Variants in TRAPPC9 observed in about 807,000 individuals in gnomAD.
TRAPPC9 encodes trafficking protein particle complex subunit 9, also known as IKK2 binding protein.
In TRAPPC9, 83 loss-of-function variants were observed where a neutral mutation model predicts 124.0. The ratio of observed to expected loss-of-function variants is 0.67; its 90% CI spans 0.56 to 0.80. The LOEUF is 0.80. Ranked by LOEUF, TRAPPC9 falls within the 30% of genes least tolerant of loss-of-function variation. The probability of loss-of-function intolerance (pLI) is 0.00; values close to 1 mark genes in which losing one functional copy is unlikely to be tolerated. For missense variants in TRAPPC9, 1,302 were observed against 1,508.3 expected (o/e 0.86, Z 2.27); for synonymous variants, 638 against 617.5 (o/e 1.03, Z -0.49).
chr8:140,048,793 A>G (rs1369669662), intron 17 of TRAPPC9, among the ~76,000 whole-genome samples: 1 of 152,140 alleles, frequency 6.6e-6, no homozygotes, highest in Non-Finnish European at 1.5e-5. Flanking sequence ...CCTCTCCCGC[A>G]TGAATAGCAG....
In TRAPPC9 at chr8:139,964,084, C is replaced by T. The variant is rs545361281; in HGVS notation, c.2810+24642G>A. ...CTAAAAATACAAAAAATTAGCCGGG[C>T]GTGGTGGCGGGCACCTGTAGTCCCA... On this transcript the variant is annotated intron_variant, in intron 19 of 22. Transcript: ENST00000438773. 5.3e-5 allele frequency among the ~76,000 whole-genome samples: 8 copies of T among 151,910 alleles called. 1 individual carries two copies. Among genetic ancestry groups the T allele is most frequent in the Admixed American group, 2.6e-4 (4 of 15,252 alleles).
chr8:140,168,262 T>C (rs575407523), intron 17 of TRAPPC9, among the ~76,000 whole-genome samples: 9 of 152,348 alleles, frequency 5.9e-5, no homozygotes, highest in East Asian at 1.9e-4. Context: ...GAAGGTGACA[T>C]TGGCATAATG....
In TRAPPC9 at chr8:140,056,568, T is replaced by C. The variant is rs1420088821; in HGVS notation, c.2557-32489A>G. ...CCAAGAATACACAATGGGGGACAGA[T>C]AATCACTTTAACAAATGGTGCAGGG... On this transcript the variant is annotated intron_variant, in intron 17 of 22. Transcript: ENST00000438773. Among the ~76,000 whole-genome samples, 3 of 151,866 alleles carry C rather than the reference T, an allele frequency of 2.0e-5. No homozygotes were observed. In the East Asian group the frequency reaches 5.8e-4, roughly 29 times the overall value.
intron 18 of TRAPPC9, among the ~76,000 whole-genome samples, chr8:139,999,971 A>G (rs1838283346): frequency 6.6e-6 from 1 of 152,214 alleles, no homozygotes; most frequent in Non-Finnish European, 1.5e-5. Context: ...ACGGCTTCAA[A>G]TCAATAAGCC....
intron 15 of TRAPPC9, among the ~76,000 whole-genome samples, chr8:140,269,074 G>C (rs2064789886): frequency 6.6e-6 from 1 of 152,100 alleles, no homozygotes; most frequent in Non-Finnish European, 1.5e-5. Flanking sequence ...GTTTGCGTTA[G>C]ACAGATCCAT....
At chr8:140,175,001 A>AT (rs35949640) in intron 17 of TRAPPC9, among the ~76,000 whole-genome samples, 51,335 of 141,000 alleles carry the variant, frequency 0.36, 9,657 homozygotes, top group South Asian at 0.48. Flanking sequence ...GCACCTGGGG[A>AT]TTTTTTTTTT....
At chr8:140,180,707 A>C (rs1168825446) in intron 17 of TRAPPC9, among the ~76,000 whole-genome samples, 1 of 151,128 alleles carries the variant, frequency 6.6e-6, no homozygotes, top group African/African-American at 2.4e-5. Context: ...TACCAAGTGA[A>C]AGATCAAATT....
At chr8:139,843,959 T>C (rs1477889237) in intron 21 of TRAPPC9, among the ~76,000 whole-genome samples, 1 of 152,216 alleles carries the variant, frequency 6.6e-6, no homozygotes, top group African/African-American at 2.4e-5. Context: ...TCACTCCCCA[T>C]ACAGTGCTCT....
intron 21 of TRAPPC9, among the ~76,000 whole-genome samples, chr8:139,842,292 G>A (rs1445331960): frequency 6.6e-6 from 1 of 152,152 alleles, no homozygotes; most frequent in African/African-American, 2.4e-5. Context: ...TTTTTAAACA[G>A]TCTAGGCCCA....
intron 9 of TRAPPC9, among the ~76,000 whole-genome samples, chr8:140,347,223 G>A (rs2067376130): frequency 6.6e-6 from 1 of 152,164 alleles, no homozygotes; most frequent in African/African-American, 2.4e-5. Context: ...CAGCCCCACA[G>A]TTCCTAGCTT....
chr8:140,084,372 C>G (rs1844048639), intron 17 of TRAPPC9, among the ~76,000 whole-genome samples: 1 of 152,194 alleles, frequency 6.6e-6, no homozygotes. Flanking sequence ...CTTTCTGCCT[C>G]AGATGGGAAC....
At chr8:139,733,029 G>A (rs549020007) in intron 21 of TRAPPC9, among the ~76,000 whole-genome samples, 2 of 152,178 alleles carry the variant, frequency 1.3e-5, no homozygotes, top group South Asian at 2.1e-4. Flanking sequence ...TCAGGGAAGC[G>A]AGCTGATGAT....
intron 8 of TRAPPC9, among the ~76,000 whole-genome samples, chr8:140,368,895 T>C (rs974050860): frequency 6.6e-6 from 1 of 152,076 alleles, no homozygotes; most frequent in African/African-American, 2.4e-5. Context: ...AAAATAAAAA[T>C]AAATAAATGA....
chr8:140,299,332 G>C (rs77376248), intron 11 of TRAPPC9, among the ~76,000 whole-genome samples: 2,010 of 152,272 alleles, frequency 0.013, 46 homozygotes, highest in African/African-American at 0.046. Flanking sequence ...CCTGCAGTCC[G>C]TAACTCGGGG....
intron 7 of TRAPPC9, among the ~76,000 whole-genome samples, chr8:140,394,306 C>T (rs1383616669): frequency 4.6e-5 from 7 of 152,200 alleles, no homozygotes; most frequent in Admixed American, 4.6e-4. Flanking sequence ...GTCCACCCTC[C>T]ACTGTCACAA....
Position 140,287,617 on chromosome 8 carries a change from T to G in TRAPPC9, c.1972A>C (p.Thr658Pro). 1 of 1,614,082 alleles carries G rather than the reference T, an allele frequency of 6.2e-7. No individual in the cohort carries two copies. The highest frequency in any genetic ancestry group is 8.5e-7 in the Non-Finnish European group (1 of 1,180,014). Residue 658 changes from threonine (T) to proline (P), a missense_variant, in exon 13 of 23, where the codon ACT (threonine) becomes CCT (proline). Thr to Pro is a conservative substitution (Grantham distance 38, BLOSUM62 -1). Around this residue, in one of 3 missense-constraint regions of TRAPPC9, gnomAD observed 640 missense variants for 679.3 expected, o/e 0.94. Coordinates refer to ENST00000438773, the MANE Select transcript of TRAPPC9 (RefSeq NM_001160372.4). Reference sequence around the variant, plus strand: ...AAGGGACTCTCCTTACCGTTCACAGTAATCGTTCCAGTCGTCTGCGGGACC... The same window carrying G: ...AAGGGACTCTCCTTACCGTTCACAGGAATCGTTCCAGTCGTCTGCGGGACC... ...VGVPQTTGTI[T>P]VNGYHTTVFG...
intron 17 of TRAPPC9, among the ~76,000 whole-genome samples, chr8:140,173,899 G>A (rs1587856150): frequency 2.0e-5 from 3 of 152,320 alleles, no homozygotes; most frequent in East Asian, 1.9e-4. Flanking sequence ...AAGTGGCTCA[G>A]CTTCTCTGAG....
intron 10 of TRAPPC9, among the ~76,000 whole-genome samples, chr8:140,307,312 G>C (rs1411119805): frequency 6.6e-6 from 1 of 152,180 alleles, no homozygotes; most frequent in Non-Finnish European, 1.5e-5. Flanking sequence ...TGATGAGGTT[G>C]TTTGAGCCCT....
At chr8:140,169,942 T>G (rs1363689109) in intron 17 of TRAPPC9, among the ~76,000 whole-genome samples, 1 of 152,142 alleles carries the variant, frequency 6.6e-6, no homozygotes, top group Non-Finnish European at 1.5e-5. Context: ...TTCACCATGT[T>G]GCCTAGGGTG....
Sources: allele counts gnomAD v4.1 joint callset (sites outside exome capture counted in the v4.1 genomes callset), GRCh38; gene constraint gnomAD v4.1.1; regional missense constraint gnomAD v4.1.1; transcripts MANE v1.5; gene names NCBI Gene and HGNC (gene_info 2026-07-23, HGNC 2026-07-21).